Variants in OSBPL10 observed in about 807,000 individuals in gnomAD.
The protein encoded by OSBPL10 is oxysterol-binding protein-related protein 10.
In OSBPL10, 49 loss-of-function variants were observed where a neutral mutation model predicts 81.7. That is an observed-to-expected ratio of 0.60 (90% CI 0.48 to 0.76). The LOEUF (loss-of-function observed/expected upper bound fraction) is 0.76, where lower values mean the gene tolerates loss of function less well. Among genes scored for constraint, OSBPL10 ranks in the 30% least tolerant of loss-of-function variants. OSBPL10 has a pLI of 0.00. For missense variants in OSBPL10, 923 were observed against 987.8 expected (o/e 0.93, Z 0.88); for synonymous variants, 419 against 383.6 (o/e 1.09, Z -1.08).
chr3:31,732,483 T>C (rs1186083650), intron 6 of OSBPL10: 3 of 152,170 alleles, frequency 2.0e-5, no homozygotes, highest in Non-Finnish European at 2.9e-5. Flanking sequence ...CAACCTCTAA[T>C]GCATGGTTAA....
chr3:31,773,874 T>C lies in OSBPL10; in HGVS notation c.730-25754A>G, dbSNP rs1698456899. ...GGTAATCTTTCATACATTACAAATA[T>C]ACATAAAGGCCAGGCGTGGTGGCTC... On this transcript the variant is annotated intron_variant, in intron 4 of 11. Transcript: ENST00000396556. Among the ~76,000 whole-genome samples, 5 of 152,248 alleles carry C rather than the reference T, an allele frequency of 3.3e-5. No individual in the cohort carries two copies. In the South Asian group the frequency reaches 6.2e-4, roughly 19 times the overall value.
At chr3:31,812,287 C>T (rs1317960020) in intron 4 of OSBPL10, among the ~76,000 whole-genome samples, 7 of 152,214 alleles carry the variant, frequency 4.6e-5, no homozygotes. Flanking sequence ...CTGCCTCAGC[C>T]TCCTGAAGTG....
intron 5 of OSBPL10, among the ~76,000 whole-genome samples, chr3:31,735,562 A>C (rs778524768): frequency 1.3e-5 from 2 of 152,190 alleles, no homozygotes; most frequent in Non-Finnish European, 2.9e-5. Context: ...CCCATTGCTT[A>C]GTATGCTCAA....
At chr3:32,026,072 T>TG (rs1699408366) in intron 2 of OSBPL10, among the ~76,000 whole-genome samples, 1 of 105,904 alleles carries the variant, frequency 9.4e-6, no homozygotes, top group Non-Finnish European at 2.2e-5. Flanking sequence ...GATAGATAGA[T>TG]AGATAGATAG....
intron 4 of OSBPL10, among the ~76,000 whole-genome samples, chr3:31,812,804 AAGAAAGAAAGAAAG>A (rs1559476492): frequency 2.7e-3 from 150 of 55,924 alleles, no homozygotes; most frequent in South Asian, 6.7e-3. Flanking sequence ...GAAAGAAAGA[AAGAAAGAAAGAAAG>A]AGAAAGAAAG....
At chr3:31,758,359 G>A (rs1488998234) in intron 4 of OSBPL10, among the ~76,000 whole-genome samples, 1 of 152,164 alleles carries the variant, frequency 6.6e-6, no homozygotes, top group Non-Finnish European at 1.5e-5. Context: ...CAAGTAAACA[G>A]ATACCACTGT....
At chr3:31,916,726 CTGAT>C (rs1170637266) in intron 1 of OSBPL10, among the ~76,000 whole-genome samples, 13 of 152,154 alleles carry the variant, frequency 8.5e-5, no homozygotes, top group Admixed American at 8.5e-4. Flanking sequence ...CTCTAAATCC[CTGAT>C]TAATTACTTC....
At chr3:31,792,276 A>T (rs1384488928) in intron 4 of OSBPL10, among the ~76,000 whole-genome samples, 1 of 152,144 alleles carries the variant, frequency 6.6e-6, no homozygotes, top group Non-Finnish European at 1.5e-5. Context: ...CTGGCAAGTC[A>T]AAGAACATTC....
chr3:31,766,740 T>G (rs1039272084), intron 4 of OSBPL10, among the ~76,000 whole-genome samples: 1 of 152,184 alleles, frequency 6.6e-6, no homozygotes, highest in African/African-American at 2.4e-5. Flanking sequence ...GGAACATCAG[T>G]TAAGGCTTTT....
Position 31,930,003 on chromosome 3 carries a change from C to CAAACAAACAA in OSBPL10, c.282-50174_282-50173insTTGTTTGTTT, listed in dbSNP as rs1306473764. ...GATCAAGTGAGACCCTGTCACCAACCAAAAAAAAAAAAAAAAAAAAAAACA... is the reference window on the plus strand; with the variant it reads ...GATCAAGTGAGACCCTGTCACCAACCAAACAAACAAAAAAAAAAAAAAAAAAAAAAAAACA... On this transcript the variant is annotated intron_variant, in intron 1 of 11. Transcript: ENST00000396556. 8.4e-4 allele frequency among the ~76,000 whole-genome samples: 61 copies of CAAACAAACAA among 72,566 alleles called. 1 individual carries two copies. The highest frequency in any genetic ancestry group is 2.2e-3 in the African/African-American group (41 of 18,748). The allele number at this position is 72,566 out of a possible 152,430, so 47.6% of individuals were successfully genotyped here. A position where few individuals can be genotyped will look rare whatever the true frequency, so the allele number is the denominator to read the frequency against.
chr3:31,676,146 C>T (rs1277535096), intron 8 of OSBPL10, among the ~76,000 whole-genome samples: 2 of 151,980 alleles, frequency 1.3e-5, no homozygotes, highest in East Asian at 3.9e-4. Flanking sequence ...CAGTGAGCCT[C>T]AGAGCTAAAC....
upstream of OSBPL10, among the ~76,000 whole-genome samples, chr3:31,983,162 A>G (rs1698882639): frequency 1.3e-5 from 2 of 152,216 alleles, no homozygotes; most frequent in South Asian, 4.1e-4. Flanking sequence ...TTACCACAGC[A>G]TAGCTTTGCC....
intron 1 of OSBPL10, among the ~76,000 whole-genome samples, chr3:31,958,130 C>T (rs1698062263): frequency 6.6e-6 from 1 of 152,172 alleles, no homozygotes; most frequent in Non-Finnish European, 1.5e-5. Flanking sequence ...CACCAGAATA[C>T]CCTTGTGACC....
chr3:31,816,704 G>T (rs144402663), intron 4 of OSBPL10, among the ~76,000 whole-genome samples: 1 of 152,148 alleles, frequency 6.6e-6, no homozygotes, highest in African/African-American at 2.4e-5. Flanking sequence ...AATGAGGTAC[G>T]CAGACAAGTG....
intron 4 of OSBPL10, among the ~76,000 whole-genome samples, chr3:31,783,681 CTCAGGA>C (rs1232737677): frequency 1.4e-5 from 2 of 147,972 alleles, no homozygotes; most frequent in East Asian, 4.0e-4. Flanking sequence ...ATCCCAGCTA[CTCAGGA>C]GGCAGAGGGA....
intron 4 of OSBPL10, among the ~76,000 whole-genome samples, chr3:31,812,703 C>G (rs1699712145): frequency 8.3e-6 from 1 of 120,764 alleles, no homozygotes; most frequent in African/African-American, 3.2e-5. Context: ...GGAATCTCTA[C>G]ACAGTAGGCA....
chr3:31,981,373 G>T, upstream of OSBPL10: 1 of 959,732 alleles, frequency 1.0e-6, no homozygotes, highest in Non-Finnish European at 1.4e-6. This position sits in a 1 kb window ranked among gnomAD's most constrained non-coding sequence, Gnocchi z 4.5. Flanking sequence ...GGGGCTGGAT[G>T]CAGCTGCGGC....
chr3:31,948,202 C>T (rs1486610984), intron 1 of OSBPL10, among the ~76,000 whole-genome samples: 2 of 152,150 alleles, frequency 1.3e-5, no homozygotes, highest in African/African-American at 4.8e-5. Context: ...AGGGCACCAG[C>T]AACATCCACA....
intron 5 of OSBPL10, among the ~76,000 whole-genome samples, chr3:31,744,073 T>A (rs1352686109): frequency 6.6e-6 from 1 of 152,196 alleles, no homozygotes; most frequent in Non-Finnish European, 1.5e-5. Flanking sequence ...CCCCAGTGGG[T>A]AGCATAGATT....
Sources: gnomAD v4.1 joint callset for allele counts (sites outside exome capture counted in the v4.1 genomes callset) on GRCh38, gnomAD v4.1.1 for gene constraint, Gnocchi (gnomAD v3.1) non-coding constraint, MANE v1.5 for transcripts, NCBI Gene and HGNC (gene_info 2026-07-23, HGNC 2026-07-21) for gene names.